The following FBXL14 variants were observed in gnomAD, a reference collection of about 807,000 sequenced individuals.
FBXL14 encodes F-box/LRR-repeat protein 14.
Under a neutral mutation model 24.5 loss-of-function variants are expected in FBXL14, and 11 were observed. That is an observed-to-expected ratio of 0.45 (90% CI 0.28 to 0.74). FBXL14 has a LOEUF of 0.74. FBXL14 is among the 30% of genes least tolerant of loss of function. The pLI, the probability that FBXL14 is intolerant of heterozygous loss-of-function variation, is 0.12. For synonymous variants in FBXL14, 294 were observed against 240.4 expected (o/e 1.22, Z -2.06); for missense variants, 384 against 545.6 (o/e 0.70, Z 2.95).
At chr12:1,577,570 G>A (rs2094458371) in intron 1 of FBXL14, among the ~76,000 whole-genome samples, 1 of 152,318 alleles carries the variant, frequency 6.6e-6, no homozygotes, top group Middle Eastern at 3.4e-3. Context: ...ACCTGCCCCC[G>A]CCCCCAGGCT....
At chr12:1,571,927 C>T (rs968312318) in intron 1 of FBXL14, among the ~76,000 whole-genome samples, 1 of 152,220 alleles carries the variant, frequency 6.6e-6, no homozygotes, top group Non-Finnish European at 1.5e-5. Flanking sequence ...AGAATGAAGA[C>T]AGTTCTGTGC....
In FBXL14 at chr12:1,593,774, C is replaced by G; in HGVS notation, c.293G>C (p.Ser98Thr). 1 of 1,614,184 alleles carries G rather than the reference C, an allele frequency of 6.2e-7. No homozygotes were observed. Among genetic ancestry groups the G allele is most frequent in the African/African-American group, 1.3e-5 (1 of 75,068 alleles). ...GMANIESLNL[S>T]GCYNLTDNGL... ...GTTGTCGGTGAGGTTGTAGCAGCCG[C>G]TGAGGTTGAGGCTCTCGATGTTGGC... The change falls in exon 1 of 2, where the codon AGC becomes ACC. Residue 98 changes from serine (S) to threonine (T), a missense_variant. By Grantham distance (58) the Ser-to-Thr change is moderately conservative. Transcript: ENST00000339235. This position sits in a 1 kb window ranked among gnomAD's most constrained non-coding sequence, Gnocchi z 7.4.
At chr12:1,590,571 C>T (rs1042706677) in intron 1 of FBXL14, among the ~76,000 whole-genome samples, 1 of 152,148 alleles carries the variant, frequency 6.6e-6, no homozygotes, top group Non-Finnish European at 1.5e-5. Context: ...TACTGTCTAC[C>T]AAAGGGAACT....
chr12:1,574,411 G>A (rs1253385961), intron 1 of FBXL14, among the ~76,000 whole-genome samples: 10 of 30,222 alleles, frequency 3.3e-4, no homozygotes, highest in South Asian at 1.5e-3. Flanking sequence ...GGAGGCTGGC[G>A]GCAGTGGTGT....
intron 1 of FBXL14, among the ~76,000 whole-genome samples, chr12:1,573,853 C>T (rs1366666095): frequency 6.6e-6 from 1 of 152,036 alleles, no homozygotes; most frequent in African/African-American, 2.4e-5. Context: ...ACAAATAACA[C>T]AATTAGCTGG....
In FBXL14 at chr12:1,567,976, C is replaced by A. The variant is rs904306510; in HGVS notation, c.1195-1166G>T. Reference sequence around the variant, plus strand: ...GGTGTAGCATGTGTAATGGGAATACCAGGAGGAGGAGAAAGAAGAAATACT... The same window carrying A: ...GGTGTAGCATGTGTAATGGGAATACAAGGAGGAGGAGAAAGAAGAAATACT... On this transcript the variant is annotated intron_variant, in intron 1 of 1. Transcript: ENST00000339235. The surrounding 1 kb of genome is among the most constrained non-coding windows in gnomAD (Gnocchi z 4.8). Among the ~76,000 whole-genome samples, 1 of 152,176 alleles carries A rather than the reference C, an allele frequency of 6.6e-6. No individual in the cohort carries two copies. The highest frequency in any genetic ancestry group is 1.5e-5 in the Non-Finnish European group (1 of 68,038).
At chr12:1,587,152 AC>A (rs1422615636) in intron 1 of FBXL14, among the ~76,000 whole-genome samples, 1 of 150,662 alleles carries the variant, frequency 6.6e-6, no homozygotes, top group East Asian at 2.0e-4. Flanking sequence ...CAGGAGAATC[AC>A]TTGAACCTGG....
intron 1 of FBXL14, among the ~76,000 whole-genome samples, chr12:1,580,345 G>C (rs2094463806): frequency 6.6e-6 from 1 of 152,132 alleles, no homozygotes; most frequent in African/African-American, 2.4e-5. Flanking sequence ...TATAAATAAG[G>C]GCTTAAATGG....
At chr12:1,574,908 T>TAA (rs534058257) in intron 1 of FBXL14, 156 of 144,380 alleles carry the variant, frequency 1.1e-3, no homozygotes, top group African/African-American at 4.0e-3. Context: ...GGAGCTTTTT[T>TAA]TAAAAAAAAA....
rs2094437592 is a variant in FBXL14 at position 1,567,104 on chromosome 12, C to T, written c.1195-294G>A. On this transcript the variant is annotated intron_variant, in intron 1 of 1. Transcript: ENST00000339235. The surrounding 1 kb of genome is among the most constrained non-coding windows in gnomAD (Gnocchi z 4.8). ...GACCTTCCCACCGCACACTCACGGC[C>T]TCTTTACAGCAGCTGCCTTTACCCG... Among the ~76,000 whole-genome samples, 1 of 152,168 alleles carries T rather than the reference C, an allele frequency of 6.6e-6. No homozygotes were observed.
At chr12:1,587,532 A>G (rs2094479465) in intron 1 of FBXL14, 1 of 152,214 alleles carries the variant, frequency 6.6e-6, no homozygotes, top group South Asian at 2.1e-4. Context: ...AAATCAGAGC[A>G]ATCCCTGGAA....
At chr12:1,588,615 G>A (rs980549300) in intron 1 of FBXL14, among the ~76,000 whole-genome samples, 1 of 152,108 alleles carries the variant, frequency 6.6e-6, no homozygotes, top group African/African-American at 2.4e-5. Flanking sequence ...ACATTGAAGG[G>A]CTACACACAA....
chr12:1,587,019 C>G (rs767905118), intron 1 of FBXL14, among the ~76,000 whole-genome samples: 8 of 152,172 alleles, frequency 5.3e-5, no homozygotes, highest in Non-Finnish European at 1.0e-4. Context: ...GGGCGGATCA[C>G]TTGAGGTCGG....
intron 1 of FBXL14, among the ~76,000 whole-genome samples, chr12:1,584,961 A>G (rs907814198): frequency 1.4e-4 from 22 of 152,042 alleles, no homozygotes; most frequent in African/African-American, 4.8e-4. Context: ...AACTGTTACA[A>G]TTTCTCCCTT....
intron 1 of FBXL14, among the ~76,000 whole-genome samples, chr12:1,585,077 G>C (rs1299811182): frequency 6.6e-6 from 1 of 152,222 alleles, no homozygotes; most frequent in African/African-American, 2.4e-5. Context: ...CTACGTCTCA[G>C]AAAGCCTTGC....
At chr12:1,570,044 T>C (rs1176988245) in intron 1 of FBXL14, among the ~76,000 whole-genome samples, 1 of 152,236 alleles carries the variant, frequency 6.6e-6, no homozygotes, top group Non-Finnish European at 1.5e-5. Context: ...TGTTGTTGCA[T>C]GGAAGAGGGG....
intron 1 of FBXL14, among the ~76,000 whole-genome samples, chr12:1,590,102 G>A (rs1009936646): frequency 2.6e-5 from 4 of 151,946 alleles, no homozygotes; most frequent in East Asian, 3.9e-4. Flanking sequence ...TTAGAAAGCT[G>A]ACCCTAATTC....
At chr12:1,589,705 G>C (rs1469055310) in intron 1 of FBXL14, among the ~76,000 whole-genome samples, 2 of 152,182 alleles carry the variant, frequency 1.3e-5, no homozygotes, top group African/African-American at 4.8e-5. Context: ...AAAAGGTTGA[G>C]AGATGAGCAG....
chr12:1,583,120 A>C (rs1231346294), intron 1 of FBXL14, among the ~76,000 whole-genome samples: 2 of 149,338 alleles, frequency 1.3e-5, no homozygotes, highest in African/African-American at 5.1e-5. Flanking sequence ...TTTTAATAAA[A>C]ATTAAAAAAA....
Sources: allele counts gnomAD v4.1 joint callset (sites outside exome capture counted in the v4.1 genomes callset), GRCh38; gene constraint gnomAD v4.1.1; non-coding constraint Gnocchi (gnomAD v3.1); transcripts MANE v1.5; gene names NCBI Gene and HGNC (gene_info 2026-07-23, HGNC 2026-07-21).